Variants in LIMCH1 observed in about 807,000 individuals in gnomAD.
LIMCH1 encodes the protein LIM and calponin homology domains 1.
Under a neutral mutation model 176.5 loss-of-function variants are expected in LIMCH1, and 113 were observed. The ratio of observed to expected loss-of-function variants is 0.64; its 90% CI spans 0.55 to 0.75. LIMCH1 has a LOEUF of 0.75. LIMCH1 is among the 30% of genes least tolerant of loss of function. LIMCH1 has a pLI of 0.00. For synonymous variants in LIMCH1, 619 were observed against 645.9 expected, an observed-to-expected ratio of 0.96 and a Z score of 0.63; for missense variants, 1,674 against 1,814.9, an observed-to-expected ratio of 0.92 and a Z score of 1.41.
intron 4 of LIMCH1, chr4:41,612,341 T>A (rs2091527121): frequency 3.6e-6 from 2 of 558,148 alleles, no homozygotes; most frequent in South Asian, 5.1e-5. Context: ...GAAGAATATT[T>A]ATTTTTCCTT....
intron 1 of LIMCH1, among the ~76,000 whole-genome samples, chr4:41,577,172 A>G (rs1260800709): frequency 1.3e-5 from 2 of 151,514 alleles, no homozygotes; most frequent in African/African-American, 2.4e-5. Context: ...TACTTCTGGA[A>G]ATACGTATAA....
At chr4:41,494,507 A>C (rs2071706265) in intron 1 of LIMCH1, 9 of 1,570,754 alleles carry the variant, frequency 5.7e-6, no homozygotes, top group Non-Finnish European at 7.9e-6. Flanking sequence ...AGAAAAACTT[A>C]TGTGCTCTTT....
chr4:41,633,593 G>A lies in LIMCH1; in HGVS notation c.1875G>A (p.Glu625=). 6.5e-7 allele frequency: 1 copy of A among 1,536,190 alleles called. No individual in the cohort carries two copies. Among genetic ancestry groups the A allele is most frequent in the Non-Finnish European group, 8.7e-7 (1 of 1,146,936 alleles). ...AGTGTGAGGCTTCAGGGACAGAAGA[G>A]AAGTTGGAGAAGATGACAGCTCCTG... ...ASECEASGTE[E]KLEKMTAPAW... is the part of the protein sequence containing the mutation. Residue 625 remains glutamate (E), a synonymous_variant, in exon 13 of 32, where the codon GAG becomes GAA. Transcript: ENST00000503057.
intron 1 of LIMCH1, among the ~76,000 whole-genome samples, chr4:41,563,401 A>G (rs1195610800): frequency 6.6e-6 from 1 of 152,220 alleles, no homozygotes; most frequent in Non-Finnish European, 1.5e-5. Flanking sequence ...TATCTGGAGC[A>G]TAGATAATCA....
chr4:41,390,369 C>T (rs755080369), intron 1 of LIMCH1, among the ~76,000 whole-genome samples: 3 of 151,632 alleles, frequency 2.0e-5, no homozygotes, highest in Non-Finnish European at 4.4e-5. Context: ...CTGTTTGTTT[C>T]TTCTGTGTTT....
intron 2 of LIMCH1, among the ~76,000 whole-genome samples, chr4:41,495,640 C>T (rs60708921): frequency 0.063 from 9,622 of 152,142 alleles, 391 homozygotes; most frequent in East Asian, 0.11. Flanking sequence ...TTACTTTACC[C>T]CTAAATCATT....
At chr4:41,433,561 C>T (rs1012974179) in intron 1 of LIMCH1, among the ~76,000 whole-genome samples, 10 of 152,114 alleles carry the variant, frequency 6.6e-5, no homozygotes, top group African/African-American at 7.2e-5. Flanking sequence ...TGCTTCTCCA[C>T]GTGGCCTTTC....
At chr4:41,635,922 A>G (rs1239837979) in intron 13 of LIMCH1, among the ~76,000 whole-genome samples, 1 of 152,064 alleles carries the variant, frequency 6.6e-6, no homozygotes, top group Admixed American at 6.6e-5. Context: ...AGTAAACTTT[A>G]TTTTATTTTT....
chr4:41,373,155 T>C (rs1428554489), intron 1 of LIMCH1, among the ~76,000 whole-genome samples: 2 of 152,170 alleles, frequency 1.3e-5, no homozygotes, highest in African/African-American at 4.8e-5. Flanking sequence ...GGGATCTCCT[T>C]TGGTCTAAGG....
At chr4:41,614,986 A>G (rs1270498063) in intron 5 of LIMCH1, among the ~76,000 whole-genome samples, 3 of 152,196 alleles carry the variant, frequency 2.0e-5, no homozygotes, top group Non-Finnish European at 4.4e-5. Flanking sequence ...TTTCCAGCAA[A>G]TAGTTTAACC....
chr4:41,405,098 G>A (rs1257004550), intron 1 of LIMCH1, among the ~76,000 whole-genome samples: 4 of 152,094 alleles, frequency 2.6e-5, no homozygotes, highest in African/African-American at 9.7e-5. Flanking sequence ...AATTCCTTCA[G>A]GGTGTGCACC....
chr4:41,570,785 G>T (rs898827493), intron 1 of LIMCH1, among the ~76,000 whole-genome samples: 28 of 152,156 alleles, frequency 1.8e-4, no homozygotes, highest in Non-Finnish European at 4.0e-4. Context: ...TGGCCATGGG[G>T]TGTGACTTGG....
intron 17 of LIMCH1, among the ~76,000 whole-genome samples, chr4:41,647,925 C>A (rs1457570143): frequency 1.3e-5 from 2 of 152,180 alleles, no homozygotes; most frequent in Non-Finnish European, 2.9e-5. Context: ...ATGTCTCTGT[C>A]ATTCATGGCT....
intron 1 of LIMCH1, among the ~76,000 whole-genome samples, chr4:41,577,546 C>T (rs928432375): frequency 2.0e-5 from 3 of 152,302 alleles, no homozygotes; most frequent in Non-Finnish European, 4.4e-5. Flanking sequence ...CCTCCTATCT[C>T]AGCTTCCTGA....
Position 41,583,739 on chromosome 4 carries a change from A to G in LIMCH1, c.-240-15181A>G, listed in dbSNP as rs2085938901. ...GGCACCTGATAAACTTGAAAACATA[A>G]AAGGAGTGGTGGTGATATTTCCACC... On this transcript the variant is annotated intron_variant, in intron 1 of 31. Coordinates refer to ENST00000503057, the MANE Select transcript of LIMCH1 (RefSeq NM_001330672.2). Among the ~76,000 whole-genome samples the G allele has an allele frequency of 2.6e-5, 4 of 152,062 alleles. No homozygotes were observed. In the South Asian group the frequency reaches 8.3e-4, roughly 32 times the overall value.
chr4:41,377,805 A>G (rs925771999), intron 1 of LIMCH1, among the ~76,000 whole-genome samples: 5 of 152,352 alleles, frequency 3.3e-5, no homozygotes, highest in African/African-American at 1.2e-4. Flanking sequence ...AGACGGCCAA[A>G]CTGGTTTTGG....
chr4:41,553,862 A>G (rs1036693097), intron 1 of LIMCH1, among the ~76,000 whole-genome samples: 2 of 152,154 alleles, frequency 1.3e-5, no homozygotes, highest in African/African-American at 4.8e-5. Context: ...CCTACTATGC[A>G]CCAGATCCTG....
In LIMCH1 at chr4:41,687,882, C is replaced by G; in HGVS notation, c.4131C>G (p.Pro1377=). 6.2e-7 allele frequency: 1 copy of G among 1,613,596 alleles called. No individual in the cohort carries two copies. The highest frequency in any genetic ancestry group is 8.5e-7 in the Non-Finnish European group (1 of 1,179,688). Residue 1377 remains proline, a synonymous_variant, in exon 29 of 32, where the codon CCC becomes CCG. Coordinates refer to ENST00000503057, the MANE Select transcript of LIMCH1 (RefSeq NM_001330672.2). ...ACTTCCAGGCTGGGCCTTTCTCTCC[C>G]TGTTCTCCCACCCCTCCCGGTCAGT... The part of the protein sequence containing the change: ...REHFQAGPFS[P]CSPTPPGQSP...
chr4:41,650,177 C>T (rs1285402419), intron 17 of LIMCH1, among the ~76,000 whole-genome samples: 2 of 152,138 alleles, frequency 1.3e-5, no homozygotes, highest in South Asian at 2.1e-4. Flanking sequence ...TGAAGTGGCC[C>T]AAGCAGGCCA....
Sources: allele counts gnomAD v4.1 joint callset (sites outside exome capture counted in the v4.1 genomes callset), GRCh38; gene constraint gnomAD v4.1.1; transcripts MANE v1.5; gene names NCBI Gene and HGNC (gene_info 2026-07-23, HGNC 2026-07-21).